ACACB: variants seen among roughly 807,000 people sequenced by gnomAD.
ACACB encodes acetyl-CoA carboxylase beta.
In ACACB, 209 loss-of-function variants were observed where a neutral mutation model predicts 278.8. That is an observed-to-expected ratio of 0.75 (90% CI 0.67 to 0.84). ACACB has a LOEUF of 0.84. Ranked by LOEUF, ACACB falls within the 40% of genes least tolerant of loss-of-function variation. The pLI, the probability that ACACB is intolerant of heterozygous loss-of-function variation, is 0.00. For synonymous variants in ACACB, 1,174 were observed against 1,285.6 expected (o/e 0.91, Z 1.86); for missense variants, 2,850 against 3,269.0 (o/e 0.87, Z 3.13).
chr12:109,147,488 A>G (rs957573320), intron 2 of ACACB, among the ~76,000 whole-genome samples: 2 of 144,272 alleles, frequency 1.4e-5, no homozygotes, highest in East Asian at 4.1e-4. Flanking sequence ...CAAGCAATCC[A>G]CCCACCTCGG....
chr12:109,176,069 G>C, intron 8 of ACACB, 29 bp downstream of exon 8: 1 of 1,612,450 alleles, frequency 6.2e-7, no homozygotes, highest in East Asian at 2.2e-5. Context: ...GGGGCCAGGG[G>C]AGCCAGAACC....
chr12:109,256,897 T>A (rs938791976), intron 45 of ACACB, among the ~76,000 whole-genome samples: 2 of 152,182 alleles, frequency 1.3e-5, no homozygotes, highest in Non-Finnish European at 2.9e-5. Context: ...TTAGATGCAA[T>A]AACATGTGTG....
At chr12:109,265,779 C>A (rs941878264) in intron 52 of ACACB, among the ~76,000 whole-genome samples, 2 of 152,210 alleles carry the variant, frequency 1.3e-5, no homozygotes, top group African/African-American at 4.8e-5. Context: ...AACTCATGAA[C>A]CTTGCTGGAA....
rs11065618 is a variant in ACACB, at chr12:109,122,780, G to A, written c.-10+6076G>A. ...CAGAAGCAGAGTAAATAGCACAGTG[G>A]TCCCCCAATGCATTCATCAGCCAGC... On this transcript the variant is annotated intron_variant, in intron 1 of 52. Transcript: ENST00000338432. Among the ~76,000 whole-genome samples the A allele has an allele frequency of 4.3e-3, 646 of 151,896 alleles. 6 individuals carry two copies. The highest frequency in any genetic ancestry group is 0.014 in the African/African-American group (597 of 41,394).
rs751690673 is a variant in ACACB at position 109,259,076 on chromosome 12, C to G, written c.6464C>G (p.Ala2155Gly). ...NREKLPLMIFANWRGFSGGMK... is the reference protein window; with the variant it reads ...NREKLPLMIFGNWRGFSGGMK... ...GAGAAGTTGCCCCTGATGATCTTTG[C>G]CAACTGGAGGGGGTTCTCCGGTGGC... Residue 2155 changes from alanine (A) to glycine (G), a missense_variant, in exon 47 of 53, where the codon GCC becomes GGC. Transcript: ENST00000338432. 6.2e-7 allele frequency: 1 copy of G among 1,614,108 alleles called. No homozygotes were observed. The highest frequency in any genetic ancestry group is 1.7e-5 in the Admixed American group (1 of 60,026).
intron 1 of ACACB, among the ~76,000 whole-genome samples, chr12:109,121,442 C>A (rs958735847): frequency 5.3e-5 from 8 of 152,176 alleles, no homozygotes; most frequent in African/African-American, 1.9e-4. Flanking sequence ...ACAGATCTTA[C>A]CTTCTAGTGG....
intron 21 of ACACB, among the ~76,000 whole-genome samples, chr12:109,210,140 TATGTATATATACACAC>T (rs2045698862): frequency 1.4e-5 from 1 of 72,596 alleles, no homozygotes; most frequent in African/African-American, 5.3e-5. Context: ...TGTGTGTATA[TATGTATATATACACAC>T]GTGTGTATAT....
At chr12:109,169,185 A>G (rs2044024179) in intron 4 of ACACB, among the ~76,000 whole-genome samples, 2 of 150,922 alleles carry the variant, frequency 1.3e-5, no homozygotes, top group Non-Finnish European at 1.5e-5. Flanking sequence ...AACATAAGTC[A>G]GGTCTTCAGG....
At chr12:109,241,358 A>G in intron 36 of ACACB, 77 bp downstream of exon 36, 2 of 1,474,254 alleles carry the variant, frequency 1.4e-6, no homozygotes, top group Non-Finnish European at 1.9e-6. Context: ...GTAGATTAAG[A>G]TGGCATTTGG....
At chr12:109,222,294 C>CGAGT (rs112567037) in intron 24 of ACACB, among the ~76,000 whole-genome samples, 6,151 of 150,950 alleles carry the variant, frequency 0.041, 225 homozygotes, top group African/African-American at 0.096. Context: ...AATGGGTGGC[C>CGAGT]GAGTGAGTGA....
intron 4 of ACACB, among the ~76,000 whole-genome samples, chr12:109,169,651 T>G (rs761156849): frequency 6.6e-5 from 10 of 152,186 alleles, no homozygotes; most frequent in East Asian, 3.8e-4. Context: ...GAGCCCTTTG[T>G]GCAGTGGACT....
Position 109,246,597 on chromosome 12 carries a change from T to A in ACACB, c.5571+149T>A, listed in dbSNP as rs1203711356. On this transcript the variant is annotated intron_variant, in intron 39 of 52. Transcript: ENST00000338432. The stretch of plus-strand genomic sequence containing the variant: ...GTAGTGTATAAACAGGCATACAGTG[T>A]ATCAGTGATACTAACATTTCACTGT... The A allele has an allele frequency of 5.2e-6, 5 of 960,084 alleles. No individual in the cohort carries two copies. The East Asian group carries it at 1.3e-4, about 25-fold the overall frequency. 59.5% of individuals were successfully genotyped at this position (960,084 alleles called of 1,614,324 possible).
Position 109,266,242 on chromosome 12 carries a change from T to G in ACACB, c.7257T>G (p.Val2419=). The G allele has an allele frequency of 1.9e-6, 3 of 1,612,840 alleles. No individual in the cohort carries two copies. Among genetic ancestry groups the G allele is most frequent in the Non-Finnish European group, 2.5e-6 (3 of 1,179,512 alleles). Residue 2419 remains valine (V), a synonymous_variant, in exon 53 of 53, where the codon GTT becomes GTG. Transcript: ENST00000338432. ...CCTCTCACCTCCCCCACAGCCTGGT[T>G]GAAGAAAACCCCGAGGTGGCCGTGG... The part of the protein sequence containing the change: ...DSVLKTIRGL[V]EENPEVAVDC...
At chr12:109,148,835 A>G (rs1053683877) in intron 2 of ACACB, among the ~76,000 whole-genome samples, 65 of 152,160 alleles carry the variant, frequency 4.3e-4, no homozygotes, top group African/African-American at 1.5e-3. Flanking sequence ...TGTGTGTCTT[A>G]GAGGGACTGT....
intron 17 of ACACB, among the ~76,000 whole-genome samples, chr12:109,197,838 T>C (rs1234421159): frequency 2.0e-5 from 3 of 152,116 alleles, no homozygotes; most frequent in African/African-American, 7.2e-5. Context: ...CTCTTCTCAA[T>C]CCTCAATGTT....
Position 109,193,849 on chromosome 12 carries a change from C to T in ACACB, c.2481+120C>T, listed in dbSNP as rs533771399. 97 of 816,298 alleles carry T rather than the reference C, an allele frequency of 1.2e-4. 1 individual carries two copies. In the South Asian group the frequency reaches 1.5e-3, roughly 12 times the overall value. 50.6% of individuals were successfully genotyped at this position (816,298 alleles called of 1,614,324 possible). On this transcript the variant is annotated intron_variant, in intron 16 of 52. Transcript: ENST00000338432. ...ATGCTTGGGTTTGAGCTCTTGTGTT[C>T]CTCGGGAATCCCCATGTAGTCCGTG...
chr12:109,183,958 A>G (rs1459898236), intron 11 of ACACB, among the ~76,000 whole-genome samples: 1 of 151,934 alleles, frequency 6.6e-6, no homozygotes, highest in Non-Finnish European at 1.5e-5. Flanking sequence ...CAAGAATGAT[A>G]CAATTAATAC....
rs565341019 is a variant in ACACB, at chr12:109,227,455, T to A, written c.3967T>A (p.Phe1323Ile). Residue 1323 changes from phenylalanine (F) to isoleucine (I), a missense_variant, in exon 28 of 53, where the codon TTC (phenylalanine) becomes ATC (isoleucine). Physicochemically the swap from Phe to Ile is conservative, Grantham distance 21. Coordinates refer to ENST00000338432, the MANE Select transcript of ACACB (RefSeq NM_001093.4). Reference sequence around the variant, plus strand: ...CCCGGACGGCACCTGCGTGGTAGAATTCCAGTTCATGCTGCCGTCCTCCCA... The same window carrying A: ...CCCGGACGGCACCTGCGTGGTAGAAATCCAGTTCATGCTGCCGTCCTCCCA... ...QLPDGTCVVEFQFMLPSSHPN... is the reference protein window; with the variant it reads ...QLPDGTCVVEIQFMLPSSHPN... 6.2e-7 allele frequency: 1 copy of A among 1,613,956 alleles called. No homozygotes were observed. Among genetic ancestry groups the A allele is most frequent in the Non-Finnish European group, 8.5e-7 (1 of 1,180,004 alleles).
intron 27 of ACACB, among the ~76,000 whole-genome samples, chr12:109,226,573 C>G (rs994636859): frequency 6.6e-6 from 1 of 151,922 alleles, no homozygotes; most frequent in Non-Finnish European, 1.5e-5. Context: ...GTGGTGCATG[C>G]CTGTAATCCC....
Sources: allele counts gnomAD v4.1 joint callset (sites outside exome capture counted in the v4.1 genomes callset), GRCh38; gene constraint gnomAD v4.1.1; transcripts MANE v1.5; gene names NCBI Gene and HGNC (gene_info 2026-07-23, HGNC 2026-07-21).